The following SH3BP4 variants were observed in gnomAD, a reference collection of about 807,000 sequenced individuals.
SH3BP4 encodes the protein SH3 domain-binding protein 4.
SH3BP4 carries 33 observed loss-of-function variants against 65.5 expected under a neutral mutation model. The observed-to-expected ratio is 0.50, with a 90% CI of 0.38 to 0.67. The LOEUF (loss-of-function observed/expected upper bound fraction) is 0.67, where lower values mean the gene tolerates loss of function less well. Ranked by LOEUF, SH3BP4 falls within the 30% of genes least tolerant of loss-of-function variation. The pLI, the probability that SH3BP4 is intolerant of heterozygous loss-of-function variation, is 0.00. For missense variants in SH3BP4, 1,134 were observed against 1,261.4 expected (o/e 0.90, Z 1.53); for synonymous variants, 552 against 545.5 (o/e 1.01, Z -0.17).
intron 2 of SH3BP4, among the ~76,000 whole-genome samples, chr2:235,006,490 C>T (rs1167735427): frequency 1.3e-5 from 2 of 151,068 alleles, no homozygotes; most frequent in South Asian, 2.1e-4. Flanking sequence ...ATGAAGGTCC[C>T]GATGGTGCTG....
In SH3BP4 at chr2:235,041,274, C is replaced by G. The variant is rs112059750; in HGVS notation, c.505C>G (p.Pro169Ala). ...NPFWNGVQTN[P>A]FLNGNVPVMP... is the part of the protein sequence containing the mutation. ...TTTCTGGAATGGGGTCCAGACCAAT[C>G]CATTTCTGAATGGGAACGTGCCCGT... is the stretch of plus-strand genomic sequence containing the variant. Residue 169 changes from proline (P) to alanine (A), a missense_variant, in exon 4 of 6, where the codon CCA becomes GCA. Pro to Ala is a conservative substitution (Grantham distance 27). Coordinates refer to ENST00000392011, the MANE Select transcript of SH3BP4 (RefSeq NM_014521.3). This position sits in a 1 kb window ranked among gnomAD's most constrained non-coding sequence, Gnocchi z 6.0. The G allele has an allele frequency of 2.1e-5, 34 of 1,614,040 alleles. 2 individuals are homozygous for G. The highest frequency in any genetic ancestry group is 4.4e-5 in the South Asian group (4 of 91,088).
chr2:235,033,146 C>G lies in SH3BP4; in HGVS notation c.-132-1725C>G, dbSNP rs1180253652. On this transcript the variant is annotated intron_variant, in intron 2 of 5. Transcript: ENST00000392011. This position sits in a 1 kb window ranked among gnomAD's most constrained non-coding sequence, Gnocchi z 5.7. ...GAGGTGGCCACCATGCCCTCCTCTC[C>G]TGCCGCCTGCTGCATTCAAGCACCA... Among the ~76,000 whole-genome samples the G allele has an allele frequency of 6.6e-6, 1 of 152,186 alleles. No individual in the cohort carries two copies. The highest frequency in any genetic ancestry group is 2.4e-5 in the African/African-American group (1 of 41,462).
At chr2:234,962,162 T>C (rs1366281073) in intron 1 of SH3BP4, among the ~76,000 whole-genome samples, 1 of 152,142 alleles carries the variant, frequency 6.6e-6, no homozygotes, top group Non-Finnish European at 1.5e-5. Context: ...TTGGAGACAG[T>C]GTCTCCCTCT....
intron 1 of SH3BP4, among the ~76,000 whole-genome samples, chr2:234,981,883 T>TAAG (rs199936517): frequency 0.014 from 2,159 of 152,274 alleles, 20 homozygotes; most frequent in Non-Finnish European, 0.024. Context: ...AACAGCTCTT[T>TAAG]AGTGGGAAGC....
At chr2:235,015,313 G>T (rs9287583) in intron 2 of SH3BP4, among the ~76,000 whole-genome samples, 6 of 152,056 alleles carry the variant, frequency 3.9e-5, no homozygotes, top group African/African-American at 1.2e-4. Flanking sequence ...GAGGAAAAAT[G>T]TAGGGCCTGG....
intron 1 of SH3BP4, among the ~76,000 whole-genome samples, chr2:234,965,704 T>C (rs909436038): frequency 6.6e-6 from 1 of 152,164 alleles, no homozygotes; most frequent in African/African-American, 2.4e-5. Context: ...GTTTTTTTCA[T>C]GCTCAAGAAG....
chr2:234,966,778 A>G (rs534670101), intron 1 of SH3BP4, among the ~76,000 whole-genome samples: 3 of 152,352 alleles, frequency 2.0e-5, no homozygotes, highest in African/African-American at 7.2e-5. Context: ...CTTTGGAAAT[A>G]GTTATTTTCA....
chr2:235,053,408 G>C (rs940999463), intron 5 of SH3BP4, among the ~76,000 whole-genome samples, 184 bp from the exon 6 acceptor site: 1 of 152,140 alleles, frequency 6.6e-6, no homozygotes, highest in Non-Finnish European at 1.5e-5. Flanking sequence ...TTTCCCTCTG[G>C]AATGTGCTGA....
In SH3BP4 at chr2:235,053,714, G is replaced by A. The variant is rs150186632; in HGVS notation, c.2790G>A (p.Lys930=). Residue 930 remains lysine (K), a synonymous_variant, in exon 6 of 6, where the codon AAG becomes AAA. Coordinates refer to ENST00000392011, the MANE Select transcript of SH3BP4 (RefSeq NM_014521.3). ...GLDKMKNPIT[K]RWKHLTGTLI... ...ACAAGATGAAAAACCCCATCACCAA[G>A]CGCTGGAAGCACCTCACTGGGACTC... 5 of 1,614,066 alleles carry A rather than the reference G, an allele frequency of 3.1e-6. No individual in the cohort carries two copies. In the African/African-American group the frequency reaches 5.3e-5, roughly 17 times the overall value.
At chr2:235,038,303 A>AATATATATAT (rs1695476628) in intron 3 of SH3BP4, among the ~76,000 whole-genome samples, 1 of 11,618 alleles carries the variant, frequency 8.6e-5, no homozygotes, top group African/African-American at 9.6e-4. Flanking sequence ...TATATATTAT[A>AATATATATAT]TATATATATT....
chr2:234,988,252 G>A (rs1693635096), intron 1 of SH3BP4, among the ~76,000 whole-genome samples: 1 of 151,994 alleles, frequency 6.6e-6, no homozygotes, highest in Non-Finnish European at 1.5e-5. Flanking sequence ...GTAGAGACAG[G>A]GTTTCACCGT....
At chr2:235,028,076 C>G (rs1481365267) in intron 2 of SH3BP4, among the ~76,000 whole-genome samples, 1 of 152,210 alleles carries the variant, frequency 6.6e-6, no homozygotes, top group Non-Finnish European at 1.5e-5. Flanking sequence ...CTCTTGGTTC[C>G]TGGGGAGGAG....
chr2:235,053,528 C>T (rs951200611), intron 5 of SH3BP4, 64 bp from the exon 6 acceptor site: 12 of 1,263,370 alleles, frequency 9.5e-6, no homozygotes, highest in East Asian at 2.4e-5. Context: ...GAACAAATCT[C>T]GTTCTGTCTC....
At position 235,053,534 on chromosome 2, in the gene SH3BP4, G is replaced by A. The variant is rs534251484; in HGVS notation, c.2668-58G>A. 5.2e-6 allele frequency: 7 copies of A among 1,340,024 alleles called. No individual in the cohort carries two copies. In the African/African-American group the frequency reaches 1.0e-4, roughly 19 times the overall value. 83.0% of individuals were successfully genotyped at this position (1,340,024 alleles called of 1,614,324 possible). The stretch of plus-strand genomic sequence containing the variant: ...AAGTAATAGGAACAAATCTCGTTCT[G>A]TCTCCTAATCTTTCTTCCTCTCTCC... On this transcript the variant is annotated intron_variant, in intron 5 of 5. Transcript: ENST00000392011.
chr2:234,956,273 G>A (rs1408713917), intron 1 of SH3BP4, among the ~76,000 whole-genome samples: 1 of 152,216 alleles, frequency 6.6e-6, no homozygotes, highest in African/African-American at 2.4e-5. Flanking sequence ...CCCGTGAAAA[G>A]AGGGTGTTTG....
intron 1 of SH3BP4, among the ~76,000 whole-genome samples, chr2:234,960,088 CTGTG>C (rs1692672426): frequency 2.0e-5 from 3 of 152,188 alleles, no homozygotes; most frequent in Admixed American, 2.0e-4. Context: ...TGTATGTGTC[CTGTG>C]CATAAATGGG....
chr2:235,053,554 C>G, intron 5 of SH3BP4, 38 bp from the exon 6 acceptor site: 5 of 1,498,800 alleles, frequency 3.3e-6, no homozygotes, highest in Non-Finnish European at 4.6e-6. Context: ...CTTTCTTCCT[C>G]TCTCCCTCCT....
chr2:235,022,411 G>A (rs1272846912), intron 2 of SH3BP4, among the ~76,000 whole-genome samples: 1 of 152,116 alleles, frequency 6.6e-6, no homozygotes, highest in African/African-American at 2.4e-5. Context: ...AAATTAGCCA[G>A]GTGTGGTGGC....
intron 2 of SH3BP4, among the ~76,000 whole-genome samples, chr2:235,006,063 C>A (rs1462330543): frequency 6.6e-6 from 1 of 152,252 alleles, no homozygotes; most frequent in Non-Finnish European, 1.5e-5. Context: ...GGGCAGGAGC[C>A]GCCTGTCCTG....
Sources: allele counts gnomAD v4.1 joint callset (sites outside exome capture counted in the v4.1 genomes callset), GRCh38; gene constraint gnomAD v4.1.1; non-coding constraint Gnocchi (gnomAD v3.1); transcripts MANE v1.5; gene names NCBI Gene and HGNC (gene_info 2026-07-23, HGNC 2026-07-21).